Variants in PSMD7 observed in about 807,000 individuals in gnomAD.
PSMD7 encodes proteasome 26S subunit, non-ATPase 7, also known as 26S proteasome non-ATPase regulatory subunit 7.
PSMD7 carries 13 observed loss-of-function variants against 36.4 expected under a neutral mutation model. The ratio of observed to expected loss-of-function variants is 0.36; its 90% CI spans 0.23 to 0.57. PSMD7 has a LOEUF of 0.57. Among genes scored for constraint, PSMD7 ranks in the 20% least tolerant of loss-of-function variants. PSMD7 has a pLI of 0.83. For synonymous variants in PSMD7, 186 were observed against 151.0 expected (o/e 1.23, Z -1.70); for missense variants, 298 against 393.6 (o/e 0.76, Z 2.06).
chr16:74,305,936 CTGTGAGT>C lies in PSMD7; in HGVS notation c.*206_*212del. The C allele has an allele frequency of 2.2e-6, 1 of 452,424 alleles. No individual in the cohort carries two copies. The highest frequency in any genetic ancestry group is 3.6e-6 in the Non-Finnish European group (1 of 278,122). The allele number at this position is 452,424 out of a possible 1,614,324, so 28.0% of individuals were successfully genotyped here. On this transcript the variant is annotated 3_prime_UTR_variant, in exon 7 of 7. Transcript: ENST00000219313. The stretch of plus-strand genomic sequence containing the variant: ...CAAATCTGAACTGCAGCTTTCGCTG[CTGTGAGT>C]TGGGGATATGATAGTCAGCTCAGGC...
chr16:74,301,686 ATTTT>A (rs749922941), intron 4 of PSMD7, 34 bp downstream of exon 4: 2 of 1,561,902 alleles, frequency 1.3e-6, no homozygotes, highest in African/African-American at 2.7e-5. Context: ...CTCTTGAATG[ATTTT>A]TTTTGCCAGC....
At position 74,300,158 on chromosome 16, in the gene PSMD7, T is replaced by C. The variant is rs2034144512; in HGVS notation, c.118T>C (p.Leu40=). 12 of 1,614,218 alleles carry C rather than the reference T, an allele frequency of 7.4e-6. No homozygotes were observed. The highest frequency in any genetic ancestry group is 7.6e-6 in the Non-Finnish European group (9 of 1,180,044). Residue 40 remains leucine (L), a synonymous_variant, in exon 2 of 7, where the codon TTG becomes CTG. Coordinates refer to ENST00000219313, the MANE Select transcript of PSMD7 (RefSeq NM_002811.5). ...GNQKRVVGVL[L]GSWQKKVLDV... ...CCAGAAGCGTGTTGTTGGTGTGCTT[T>C]TGGGGTCATGGCAAAAGAAAGTACT...
Position 74,305,451 on chromosome 16 carries a change from G to C in PSMD7, c.693G>C (p.Gln231His). The C allele has an allele frequency of 6.2e-7, 1 of 1,614,176 alleles. No homozygotes were observed. Among genetic ancestry groups the C allele is most frequent in the Non-Finnish European group, 8.5e-7 (1 of 1,180,036 alleles). Residue 231 changes from glutamine (Q) to histidine (H), a missense_variant, in exon 7 of 7, where the codon CAG becomes CAC. Gln to His is a conservative substitution (Grantham distance 24). Transcript: ENST00000219313. ...PINHQIIYQLQDVFNLLPDVS... is the reference protein window; with the variant it reads ...PINHQIIYQLHDVFNLLPDVS... ...ACCACCAGATCATCTACCAGCTGCA[G>C]GACGTCTTCAACCTGCTGCCAGATG...
intron 6 of PSMD7, 121 bp downstream of exon 6, chr16:74,304,515 C>G (rs2034180724): frequency 2.6e-6 from 2 of 767,668 alleles, no homozygotes; most frequent in Non-Finnish European, 4.3e-6. Flanking sequence ...ACTAACAAGT[C>G]TGCCATTCTG....
intron 5 of PSMD7, among the ~76,000 whole-genome samples, chr16:74,302,721 C>T (rs889017647): frequency 1.4e-4 from 21 of 152,162 alleles, no homozygotes; most frequent in Middle Eastern, 6.3e-3. Flanking sequence ...CCAACCTGTG[C>T]GACAGTTGAG....
rs748446252 is a variant in PSMD7 at position 74,300,160 on chromosome 16, G to C, written c.120G>C (p.Leu40Phe). 1 of 1,614,142 alleles carries C rather than the reference G, an allele frequency of 6.2e-7. No homozygotes were observed. The highest frequency in any genetic ancestry group is 8.5e-7 in the Non-Finnish European group (1 of 1,180,026). Reference sequence around the variant, plus strand: ...AGAAGCGTGTTGTTGGTGTGCTTTTGGGGTCATGGCAAAAGAAAGTACTTG... The same window carrying C: ...AGAAGCGTGTTGTTGGTGTGCTTTTCGGGTCATGGCAAAAGAAAGTACTTG... ...GNQKRVVGVLLGSWQKKVLDV... is the reference protein window; with the variant it reads ...GNQKRVVGVLFGSWQKKVLDV... Residue 40 changes from leucine to phenylalanine, a missense_variant, in exon 2 of 7, where the codon TTG (leucine) becomes TTC (phenylalanine). Transcript: ENST00000219313.
At chr16:74,304,440 C>T (rs2034180085) in intron 6 of PSMD7, 46 bp downstream of exon 6, 1 of 1,543,804 alleles carries the variant, frequency 6.5e-7, no homozygotes, top group East Asian at 2.3e-5. Flanking sequence ...CCCGAGAGGT[C>T]ACACAGTGTA....
chr16:74,298,661 A>C (rs2034132984), intron 1 of PSMD7, among the ~76,000 whole-genome samples: 1 of 152,118 alleles, frequency 6.6e-6, no homozygotes, highest in South Asian at 2.1e-4. Context: ...TTAGGAGTTC[A>C]AGACCAGCCT....
chr16:74,298,625 G>A (rs2034132570), intron 1 of PSMD7, among the ~76,000 whole-genome samples: 1 of 152,170 alleles, frequency 6.6e-6, no homozygotes, highest in Non-Finnish European at 1.5e-5. Flanking sequence ...CACTTTCGGA[G>A]ACCGAGGTGG....
chr16:74,296,937 A>T lies in PSMD7; in HGVS notation c.23A>T (p.Lys8Met). Residue 8 changes from lysine to methionine, a missense_variant, in exon 1 of 7, where the codon AAG (lysine) becomes ATG (methionine). Lys to Met is a moderately conservative substitution (Grantham distance 95). Coordinates refer to ENST00000219313, the MANE Select transcript of PSMD7 (RefSeq NM_002811.5). MPELAVQ[K>M]VVVHPLVLLS... ...GCGATGCCGGAGCTGGCAGTGCAGA[A>T]GGTGGTGGTCCACCCCCTGGTGCTG... 6.2e-7 allele frequency: 1 copy of T among 1,613,468 alleles called. No individual in the cohort carries two copies. Among genetic ancestry groups the T allele is most frequent in the South Asian group, 1.1e-5 (1 of 90,904 alleles).
intron 4 of PSMD7, 77 bp from the exon 5 acceptor site, chr16:74,302,135 A>C (rs2034160860): frequency 8.7e-7 from 1 of 1,148,932 alleles, no homozygotes; most frequent in South Asian, 1.3e-5. Context: ...AGCTTTAGTA[A>C]TTGTGAGAAG....
At position 74,305,975 on chromosome 16, in the gene PSMD7, T is replaced by C. The variant is rs576582989; in HGVS notation, c.*242T>C. ...TATGATAGTCAGCTCAGGCTTCAGATTGTATGAGAAAAATGAAGAGAAGTC... is the reference window on the plus strand; with the variant it reads ...TATGATAGTCAGCTCAGGCTTCAGACTGTATGAGAAAAATGAAGAGAAGTC... On this transcript the variant is annotated 3_prime_UTR_variant, in exon 7 of 7. Transcript: ENST00000219313. 8.6e-6 allele frequency: 3 copies of C among 348,152 alleles called. No homozygotes were observed. Among genetic ancestry groups the C allele is most frequent in the African/African-American group, 4.2e-5 (2 of 47,854 alleles). The allele number at this position is 348,152 out of a possible 1,614,324, so 21.6% of individuals were successfully genotyped here.
chr16:74,303,790 C>T (rs1442156544), intron 5 of PSMD7, among the ~76,000 whole-genome samples: 1 of 151,550 alleles, frequency 6.6e-6, no homozygotes, highest in African/African-American at 2.4e-5. Flanking sequence ...GGCGTGATCT[C>T]GACTCACTGC....
chr16:74,301,135 A>T lies in PSMD7; in HGVS notation c.250A>T (p.Lys84Ter). The change falls in exon 3 of 7, where the codon AAA (lysine) becomes TAA (stop). Residue 84 changes from lysine (K) to a stop codon, truncating the protein, a stop_gained. Coordinates refer to ENST00000219313, the MANE Select transcript of PSMD7 (RefSeq NM_002811.5). LOFTEE classifies it high-confidence loss of function. ...YLENMYGMFKKVNARERIVGW... is the reference protein window; with the variant it reads ...YLENMYGMFK The stretch of plus-strand genomic sequence containing the variant: ...GGAAAACATGTATGGAATGTTTAAG[A>T]AAGTCAATGGTATGTCTTGATGTTC... 2 of 1,604,306 alleles carry T rather than the reference A, an allele frequency of 1.2e-6. No individual in the cohort carries two copies. Among genetic ancestry groups the T allele is most frequent in the Non-Finnish European group, 1.7e-6 (2 of 1,172,098 alleles).
At chr16:74,303,160 G>A (rs1200337488) in intron 5 of PSMD7, among the ~76,000 whole-genome samples, 1 of 152,212 alleles carries the variant, frequency 6.6e-6, no homozygotes, top group Non-Finnish European at 1.5e-5. Flanking sequence ...AAGAATTAGT[G>A]CCTGTAAAGG....
chr16:74,300,412 G>C (rs2034146553), intron 2 of PSMD7: 1 of 577,862 alleles, frequency 1.7e-6, no homozygotes, highest in Non-Finnish European at 3.1e-6. Context: ...CACTGCACCT[G>C]CTCCTCTCTG....
intron 1 of PSMD7, among the ~76,000 whole-genome samples, chr16:74,297,797 C>G (rs536279906): frequency 6.7e-5 from 10 of 148,154 alleles, no homozygotes; most frequent in African/African-American, 2.5e-4. Context: ...TCAATTTGGC[C>G]CTGACCCCCG....
chr16:74,304,293 C>T lies in PSMD7; in HGVS notation c.439-10C>T. On this transcript the variant is annotated splice_polypyrimidine_tract_variant and intron_variant, in intron 5 of 6. Transcript: ENST00000219313. The stretch of plus-strand genomic sequence containing the variant: ...AAAATAAATAATTATAGTTAGGCTT[C>T]CTCTCCCAGGATGGAACTCCAACCT... 1 of 1,610,934 alleles carries T rather than the reference C, an allele frequency of 6.2e-7. No individual in the cohort carries two copies. Among genetic ancestry groups the T allele is most frequent in the African/African-American group, 1.3e-5 (1 of 74,986 alleles).
At position 74,301,537 on chromosome 16, in the gene PSMD7, A is replaced by C; in HGVS notation, c.260-18A>C. On this transcript the variant is annotated intron_variant, in intron 3 of 6. Transcript: ENST00000219313. ...CTTCATGAAATAGTTAAAGCCTGCT[A>C]ATTTTTTTCCTTCCTAGCCAGGGAA... 1 of 1,566,014 alleles carries C rather than the reference A, an allele frequency of 6.4e-7. No homozygotes were observed. The highest frequency in any genetic ancestry group is 1.1e-5 in the South Asian group (1 of 89,930).
Sources: allele counts gnomAD v4.1 joint callset (sites outside exome capture counted in the v4.1 genomes callset), GRCh38; gene constraint gnomAD v4.1.1; transcripts MANE v1.5; gene names NCBI Gene and HGNC (gene_info 2026-07-23, HGNC 2026-07-21).